Variants in SYTL5 observed in about 807,000 individuals in gnomAD.
The protein encoded by SYTL5 is synaptotagmin-like protein 5.
In SYTL5, 34 loss-of-function variants were observed where a neutral mutation model predicts 55.9. The ratio of observed to expected loss-of-function variants is 0.61; its 90% CI spans 0.46 to 0.81. The LOEUF (loss-of-function observed/expected upper bound fraction) is 0.81. SYTL5 is among the 30% of genes least tolerant of loss of function. The pLI is 0.00. For synonymous variants in SYTL5, 221 were observed against 188.7 expected, an observed-to-expected ratio of 1.17 and a Z score of -1.40; for missense variants, 637 against 546.7, an observed-to-expected ratio of 1.17 and a Z score of -1.65.
intron 13 of SYTL5, among the ~76,000 whole-genome samples, chrX:38,112,022 G>A (rs774136544): frequency 9.0e-6 from 1 of 111,448 alleles, no homozygotes; most frequent in South Asian, 3.8e-4. Context: ...TCAATGAGTG[G>A]TTCACAGTCT....
chrX:37,993,409 C>T, the SYTL5 span, among the ~76,000 whole-genome samples: 4 of 112,294 alleles, frequency 3.6e-5, no homozygotes, highest in African/African-American at 1.3e-4. Flanking sequence ...GCATGAAGCA[C>T]ACATCTCTGT....
chrX:38,006,135 G>C (rs1321932999), upstream of SYTL5, among the ~76,000 whole-genome samples: 1 of 111,568 alleles, frequency 9.0e-6, no homozygotes, highest in African/African-American at 3.3e-5. Context: ...AGACTACTTA[G>C]TTTGTTCATT....
chrX:38,076,976 AG>A (rs1202217275), intron 6 of SYTL5, among the ~76,000 whole-genome samples: 3 of 112,273 alleles, frequency 2.7e-5, no homozygotes, highest in African/African-American at 6.5e-5. Context: ...GTACAGGGCA[AG>A]TAAATGTTTT....
At chrX:38,013,001 A>G (rs1934236166) in intron 1 of SYTL5, among the ~76,000 whole-genome samples, 1 of 112,457 alleles carries the variant, frequency 8.9e-6, no homozygotes, top group Admixed American at 9.4e-5. Context: ...AGACCAGCAC[A>G]GGGAGAATAC....
At chrX:38,107,232 G>A (rs1040752006) in intron 11 of SYTL5, among the ~76,000 whole-genome samples, 2 of 111,559 alleles carry the variant, frequency 1.8e-5, no homozygotes, top group Non-Finnish European at 3.8e-5. Flanking sequence ...TAGATATAAA[G>A]GTGTGTCAGG....
At chrX:37,927,490 G>T in the SYTL5 span, among the ~76,000 whole-genome samples, 2 of 111,015 alleles carry the variant, frequency 1.8e-5, no homozygotes, top group Admixed American at 1.9e-4. Context: ...TTAAAAACTG[G>T]CAGGGCTAGG....
At chrX:37,990,431 C>A in the SYTL5 span, among the ~76,000 whole-genome samples, 1 of 111,918 alleles carries the variant, frequency 8.9e-6, no homozygotes, top group South Asian at 3.7e-4. Flanking sequence ...GTATCAGCAG[C>A]CTACAACTAA....
At chrX:38,001,354 A>T in the SYTL5 span, among the ~76,000 whole-genome samples, 2 of 111,812 alleles carry the variant, frequency 1.8e-5, no homozygotes, top group Admixed American at 1.9e-4. Context: ...TGTGCTAGCA[A>T]ATACTAGCAT....
chrX:38,122,490 G>A lies in SYTL5; in HGVS notation c.1841+275G>A, dbSNP rs189854119. Among the ~76,000 whole-genome samples, 702 of 112,298 alleles carry A rather than the reference G, an allele frequency of 6.3e-3. 14 individuals carry two copies. The highest frequency in any genetic ancestry group is 0.022 in the African/African-American group (665 of 30,905). On this transcript the variant is annotated intron_variant, in intron 15 of 16. Transcript: ENST00000297875. The stretch of plus-strand genomic sequence containing the variant: ...CTTTTTTCTGTAAGATTCATTTATC[G>A]AAAGTGGACAAAAGTATGATTTCCT...
the SYTL5 span, among the ~76,000 whole-genome samples, chrX:37,915,534 T>C: frequency 8.9e-6 from 1 of 112,212 alleles, no homozygotes; most frequent in Non-Finnish European, 1.9e-5. Flanking sequence ...CAACAAGATC[T>C]AACGGTGGAT....
chrX:38,079,819 G>A (rs959330496), intron 6 of SYTL5, among the ~76,000 whole-genome samples: 1 of 111,644 alleles, frequency 9.0e-6, no homozygotes, highest in African/African-American at 3.3e-5. Context: ...TGAGGAGCTG[G>A]ACCATTGCAC....
chrX:37,937,099 A>T, the SYTL5 span, among the ~76,000 whole-genome samples: 1 of 109,184 alleles, frequency 9.2e-6, no homozygotes, highest in African/African-American at 3.3e-5. Flanking sequence ...CATTTTCTAG[A>T]AATTCTCCCC....
At chrX:37,930,364 G>A in the SYTL5 span, among the ~76,000 whole-genome samples, 1 of 112,016 alleles carries the variant, frequency 8.9e-6, no homozygotes, top group Non-Finnish European at 1.9e-5. Context: ...TTGTCAAAGG[G>A]ATATAAGAAG....
the SYTL5 span, among the ~76,000 whole-genome samples, chrX:37,926,285 C>T: frequency 1.8e-5 from 2 of 111,394 alleles, no homozygotes; most frequent in Non-Finnish European, 1.9e-5. Flanking sequence ...TTTTGAGAAA[C>T]GTCTTTTCAG....
At position 38,120,805 on chromosome X, in the gene SYTL5, T is replaced by C. The variant is rs145322529; in HGVS notation, c.1705+339T>C. ...GAAACTGCTCCATGGATTTATGACA[T>C]TCACAGCTATTCAGGGAGTCTTGAG... is the stretch of plus-strand genomic sequence containing the variant. On this transcript the variant is annotated intron_variant, in intron 14 of 16. Transcript: ENST00000297875. Among the ~76,000 whole-genome samples the C allele has an allele frequency of 1.0e-3, 112 of 110,569 alleles. 2 individuals carry two copies. In the East Asian group the frequency reaches 0.029, roughly 28 times the overall value.
rs1198341091 is a variant in SYTL5 at position 38,125,391 on chromosome X, C to A, written c.1935C>A (p.Phe645Leu). ...CTCAGTGGAATCATACATTCATGTT[C>A]AGTGGCATCCATCCCCAGGATATAA... is the stretch of plus-strand genomic sequence containing the variant. ...VNPQWNHTFM[F>L]SGIHPQDIKN... The change falls in exon 16 of 17, where the codon TTC becomes TTA. Residue 645 changes from phenylalanine to leucine, a missense_variant. Transcript: ENST00000297875. The A allele has an allele frequency of 8.3e-7, 1 of 1,207,593 alleles. No homozygotes were observed. The highest frequency in any genetic ancestry group is 1.7e-5 in the African/African-American group (1 of 57,220).
the SYTL5 span, among the ~76,000 whole-genome samples, chrX:37,920,501 A>AT: frequency 9.1e-6 from 1 of 110,125 alleles, no homozygotes; most frequent in Admixed American, 9.7e-5. Flanking sequence ...ACATTTCTAT[A>AT]TTTTTTCTGT....
intron 1 of SYTL5, among the ~76,000 whole-genome samples, chrX:38,015,005 C>T (rs1054210693): frequency 8.9e-6 from 1 of 111,831 alleles, no homozygotes; most frequent in Non-Finnish European, 1.9e-5. Flanking sequence ...CTTTTCCCTT[C>T]GGCTTAGTGA....
chrX:38,102,145 C>G (rs189119675), intron 9 of SYTL5, among the ~76,000 whole-genome samples, 197 bp from the exon 10 acceptor site: 1 of 110,889 alleles, frequency 9.0e-6, no homozygotes, highest in African/African-American at 3.3e-5. Flanking sequence ...CTCTCCACCC[C>G]CTATCCCTGC....
Sources: gnomAD v4.1 joint callset for allele counts (sites outside exome capture counted in the v4.1 genomes callset) on GRCh38, gnomAD v4.1.1 for gene constraint, MANE v1.5 for transcripts, NCBI Gene and HGNC (gene_info 2026-07-23, HGNC 2026-07-21) for gene names.